The following LMLN variants were observed in gnomAD, a reference collection of about 807,000 sequenced individuals.
The protein encoded by LMLN is leishmanolysin like peptidase.
LMLN carries 70 observed loss-of-function variants against 92.3 expected under a neutral mutation model. The observed-to-expected ratio is 0.76, with a 90% confidence interval of 0.63 to 0.92. The LOEUF is 0.92. Ranked by LOEUF, LMLN falls within the 40% of genes least tolerant of loss-of-function variation. The probability of loss-of-function intolerance (pLI) is 0.00; values close to 1 mark genes in which losing one functional copy is unlikely to be tolerated. For missense variants in LMLN, 691 were observed against 814.6 expected, an observed-to-expected ratio of 0.85 and a Z score of 1.85; for synonymous variants, 308 against 296.2, an observed-to-expected ratio of 1.04 and a Z score of -0.41.
intron 11 of LMLN, among the ~76,000 whole-genome samples, chr3:198,013,337 G>C (rs1427020586): frequency 1.3e-5 from 1 of 76,598 alleles, no homozygotes; most frequent in Non-Finnish European, 2.2e-5. Context: ...CCCCCAACTA[G>C]TCTGACTTCT....
chr3:197,985,163 C>T (rs183133466), intron 7 of LMLN, among the ~76,000 whole-genome samples: 5 of 152,264 alleles, frequency 3.3e-5, no homozygotes, highest in Admixed American at 3.3e-4. Flanking sequence ...AAGCAAGTGT[C>T]AGTCTTGGCC....
At chr3:198,041,161 T>G (rs1581194481) in exon 16 of LMLN, 1 of 152,242 alleles carries the variant, frequency 6.6e-6, no homozygotes, top group Non-Finnish European at 1.5e-5. Context: ...AAAGTCGCTT[T>G]TTTTTCAAAT....
At chr3:198,020,769 T>TG (rs1560152841) in intron 12 of LMLN, among the ~76,000 whole-genome samples, 5 of 65,424 alleles carry the variant, frequency 7.6e-5, no homozygotes, top group African/African-American at 3.7e-4. Flanking sequence ...AATTTTTGTA[T>TG]TTTTTTTTTT....
chr3:197,997,518 C>T (rs1722060763), intron 10 of LMLN, among the ~76,000 whole-genome samples: 1 of 152,182 alleles, frequency 6.6e-6, no homozygotes, highest in South Asian at 2.1e-4. Flanking sequence ...GTATTGAGGA[C>T]AGGGGTAAAG....
intron 11 of LMLN, 172 bp downstream of exon 11, chr3:197,999,514 C>T (rs1560145169): frequency 6.7e-6 from 4 of 594,602 alleles, no homozygotes; most frequent in East Asian, 2.8e-5. Flanking sequence ...TTCATTCATT[C>T]GTTCATTCAA....
At chr3:197,999,581 A>G in intron 11 of LMLN, 1 of 477,312 alleles carries the variant, frequency 2.1e-6, no homozygotes, top group Admixed American at 3.6e-5. Flanking sequence ...CGCAGGCTGG[A>G]GTGCAGTGGC....
At chr3:198,035,655 C>T (rs1333167324) in intron 14 of LMLN, among the ~76,000 whole-genome samples, 178 bp from the exon 16 acceptor site, 6 of 152,034 alleles carry the variant, frequency 3.9e-5, no homozygotes, top group Admixed American at 1.3e-4. Flanking sequence ...CCACCGCGCC[C>T]GGCCAACTTA....
At chr3:197,995,093 C>T (rs2109891071) in intron 9 of LMLN, among the ~76,000 whole-genome samples, 1 of 152,290 alleles carries the variant, frequency 6.6e-6, no homozygotes, top group African/African-American at 2.4e-5. Flanking sequence ...AGACCACCCC[C>T]TCCTCTTCCT....
intron 1 of LMLN, among the ~76,000 whole-genome samples, chr3:197,971,059 TTAGCC>T (rs1721210124): frequency 1.3e-5 from 2 of 152,244 alleles, no homozygotes; most frequent in South Asian, 4.1e-4. Context: ...TTTCTTTATT[TTAGCC>T]CTTTCCTGTT....
intron 1 of LMLN, among the ~76,000 whole-genome samples, chr3:197,969,244 C>A (rs746737132): frequency 6.6e-5 from 10 of 151,380 alleles, no homozygotes; most frequent in Non-Finnish European, 1.3e-4. Flanking sequence ...ACCATGCCAG[C>A]CTTAGTGCTT....
intron 5 of LMLN, among the ~76,000 whole-genome samples, chr3:197,979,453 G>A (rs529391794): frequency 1.1e-4 from 16 of 152,232 alleles, no homozygotes; most frequent in Non-Finnish European, 1.5e-4. Context: ...GGCCAAGATG[G>A]GGGTATTGCT....
intron 1 of LMLN, among the ~76,000 whole-genome samples, chr3:197,971,967 T>G (rs942854764): frequency 6.8e-6 from 1 of 146,956 alleles, no homozygotes; most frequent in African/African-American, 2.5e-5. Context: ...TTTTTTTTTT[T>G]TAGTCTTTTT....
rs559921170 is a variant in LMLN at position 198,010,061 on chromosome 3, C to G, written c.1233-9192C>G. ...AACCAGCTTTTTGTATTGTTGATGTCTTCTATTGTTTTTTTGTTTTCAAAT... is the reference window on the plus strand; with the variant it reads ...AACCAGCTTTTTGTATTGTTGATGTGTTCTATTGTTTTTTTGTTTTCAAAT... On this transcript the variant is annotated intron_variant, in intron 11 of 15. Transcript: ENST00000330198. 2.6e-5 allele frequency among the ~76,000 whole-genome samples: 4 copies of G among 152,108 alleles called. No homozygotes were observed. In the South Asian group the frequency reaches 6.2e-4, roughly 24 times the overall value.
chr3:198,022,834 G>A lies in LMLN; in HGVS notation c.1525+1229G>A, dbSNP rs563280507. Among the ~76,000 whole-genome samples the A allele has an allele frequency of 1.7e-4, 26 of 152,238 alleles. No individual in the cohort carries two copies. The East Asian group carries it at 4.6e-3, about 27-fold the overall frequency. On this transcript the variant is annotated intron_variant, in intron 13 of 15. Coordinates refer to ENST00000330198, the Ensembl canonical transcript of LMLN. ...AGATCATGCCCCTGCACTCCAGCCT[G>A]GGCAACACAGTGAGACCCCATGTCA...
At chr3:197,965,445 T>C (rs892913284) in intron 1 of LMLN, among the ~76,000 whole-genome samples, 8 of 152,134 alleles carry the variant, frequency 5.3e-5, no homozygotes, top group African/African-American at 1.9e-4. Context: ...CTCAGTATGT[T>C]GCCCGGGCTG....
chr3:197,979,720 G>A (rs541567199), intron 5 of LMLN, among the ~76,000 whole-genome samples: 20 of 152,082 alleles, frequency 1.3e-4, no homozygotes, highest in Non-Finnish European at 2.8e-4. Flanking sequence ...GGGGGCTGAG[G>A]CAGGAGAGAG....
intron 1 of LMLN, among the ~76,000 whole-genome samples, chr3:197,973,377 G>T (rs1373088036): frequency 6.6e-6 from 1 of 152,002 alleles, no homozygotes; most frequent in Non-Finnish European, 1.5e-5. Flanking sequence ...AAGTAGCTGG[G>T]ACTACAGGCG....
exon 16 of LMLN, chr3:198,043,103 T>A (rs1363090249): frequency 6.6e-6 from 1 of 152,182 alleles, no homozygotes; most frequent in Non-Finnish European, 1.5e-5. Flanking sequence ...AATAAATATA[T>A]CAAAGTATTT....
intron 11 of LMLN, among the ~76,000 whole-genome samples, chr3:198,002,000 A>T (rs1722187452): frequency 6.6e-6 from 1 of 152,072 alleles, no homozygotes; most frequent in African/African-American, 2.4e-5. Flanking sequence ...AAAGGAACAA[A>T]ATATAATACA....
Sources: gnomAD v4.1 joint callset for allele counts (sites outside exome capture counted in the v4.1 genomes callset) on GRCh38, gnomAD v4.1.1 for gene constraint, MANE v1.5 for transcripts, NCBI Gene and HGNC (gene_info 2026-07-23, HGNC 2026-07-21) for gene names.